The following GRIK4 variants were observed in gnomAD, a reference collection of about 807,000 sequenced individuals.
GRIK4 encodes glutamate receptor ionotropic, kainate 4.
Under a neutral mutation model 104.9 loss-of-function variants are expected in GRIK4, and 40 were observed. The observed-to-expected ratio is 0.38, with a 90% CI of 0.30 to 0.50. The LOEUF is 0.50. GRIK4 is among the 20% of genes least tolerant of loss of function. The pLI, the probability that GRIK4 is intolerant of heterozygous loss-of-function variation, is 0.93. For synonymous variants in GRIK4, 485 were observed against 524.9 expected (o/e 0.92, Z 1.04); for missense variants, 1,047 against 1,308.1 (o/e 0.80, Z 3.08).
rs1323292310 is a variant in GRIK4, at chr11:120,956,050, G to A, written c.1701-730G>A. Among the ~76,000 whole-genome samples the A allele has an allele frequency of 6.6e-6, 1 of 152,090 alleles. No individual in the cohort carries two copies. Among genetic ancestry groups the A allele is most frequent in the African/African-American group, 2.4e-5 (1 of 41,412 alleles). On this transcript the variant is annotated intron_variant, in intron 15 of 20. Transcript: ENST00000527524. This position sits in a 1 kb window ranked among gnomAD's most constrained non-coding sequence, Gnocchi z 4.6. ...GGTGGTTCTGAGGTAGGCTAAGGCT[G>A]GAGGGCCACTGCTCTAGGCTGAGGG...
rs1039163075 is a variant in GRIK4 at position 120,761,768 on chromosome 11, G to C, written c.83-40925G>C. 2.6e-5 allele frequency among the ~76,000 whole-genome samples: 4 copies of C among 152,150 alleles called. No individual in the cohort carries two copies. In the South Asian group the frequency reaches 8.3e-4, roughly 32 times the overall value. ...AAGATCAGATAGTTGTAGATGTGTG[G>C]CATGATTTCTGAGGCCTCTGTTCTG... On this transcript the variant is annotated intron_variant, in intron 3 of 20. Coordinates refer to ENST00000527524, the MANE Select transcript of GRIK4 (RefSeq NM_014619.5).
intron 3 of GRIK4, among the ~76,000 whole-genome samples, chr11:120,695,123 C>A (rs1950421771): frequency 1.3e-5 from 2 of 152,238 alleles, no homozygotes; most frequent in South Asian, 4.1e-4. Flanking sequence ...ATGCCCCCAG[C>A]CCTCTCCTCC....
At chr11:120,960,859 C>G in intron 16 of GRIK4, 50 bp from the exon 17 acceptor site, 1 of 1,520,256 alleles carries the variant, frequency 6.6e-7, no homozygotes, top group Non-Finnish European at 9.1e-7. Flanking sequence ...GGGGCCAAGA[C>G]TCCAGGGAGT....
intron 3 of GRIK4, among the ~76,000 whole-genome samples, chr11:120,697,608 C>T (rs1023997282): frequency 2.6e-5 from 4 of 152,124 alleles, no homozygotes; most frequent in Admixed American, 6.5e-5. Flanking sequence ...GAGTGAGACT[C>T]TGTCTCCAAA....
rs1942786566 is a variant in GRIK4, at chr11:120,903,337, GC to G, written c.1273-1951del. Among the ~76,000 whole-genome samples, 2 of 152,082 alleles carry G rather than the reference GC, an allele frequency of 1.3e-5. No individual in the cohort carries two copies. Among genetic ancestry groups the G allele is most frequent in the East Asian group, 3.9e-4 (2 of 5,168 alleles). ...AATCTTCCCACACACCAAGACTCAA[GC>G]CTATCTGCCCCACTTTCAGCACAAC... On this transcript the variant is annotated intron_variant, in intron 12 of 20. Coordinates refer to ENST00000527524, the MANE Select transcript of GRIK4 (RefSeq NM_014619.5). This position sits in a 1 kb window ranked among gnomAD's most constrained non-coding sequence, Gnocchi z 4.4.
intron 2 of GRIK4, among the ~76,000 whole-genome samples, chr11:120,655,946 A>C (rs962131244): frequency 6.6e-6 from 1 of 152,158 alleles, no homozygotes; most frequent in African/African-American, 2.4e-5. Context: ...ATGTGCGGTC[A>C]TAAGTCTGGG....
In GRIK4 at chr11:120,985,817, C is replaced by G. The variant is rs1368347017; in HGVS notation, c.2515-87C>G. The G allele has an allele frequency of 4.2e-6, 5 of 1,196,638 alleles. No individual in the cohort carries two copies. In the African/African-American group the frequency reaches 6.1e-5, roughly 15 times the overall value. The allele number at this position is 1,196,638 out of a possible 1,614,324, so 74.1% of individuals were successfully genotyped here. A position where few individuals can be genotyped will look rare whatever the true frequency, so the allele number is the denominator to read the frequency against. ...GATGACACGATTCTGTGACCGCTGC[C>G]CCCTTCATCCCTCATCCCAGCGGAC... On this transcript the variant is annotated intron_variant, in intron 20 of 20. Transcript: ENST00000527524.
chr11:120,754,066 G>C (rs2852244), intron 3 of GRIK4, among the ~76,000 whole-genome samples: 59,417 of 151,976 alleles, frequency 0.39, 14,000 homozygotes, highest in African/African-American at 0.67. Flanking sequence ...GAGTCTTGCT[G>C]TGTCACTCAG....
At chr11:120,866,828 T>C (rs1432682026) in intron 9 of GRIK4, among the ~76,000 whole-genome samples, 1 of 152,194 alleles carries the variant, frequency 6.6e-6, no homozygotes, top group Non-Finnish European at 1.5e-5. Context: ...GAGTGTTCTT[T>C]CTTGCTGAGG....
At position 120,903,091 on chromosome 11, in the gene GRIK4, G is replaced by A. The variant is rs766749354; in HGVS notation, c.1273-2199G>A. ...CCAGCCTAGAAGTCCTTCTCAGAACGAGCTCAGCCCATCAGGATTTCAGTG... is the reference window on the plus strand; with the variant it reads ...CCAGCCTAGAAGTCCTTCTCAGAACAAGCTCAGCCCATCAGGATTTCAGTG... On this transcript the variant is annotated intron_variant, in intron 12 of 20. Coordinates refer to ENST00000527524, the MANE Select transcript of GRIK4 (RefSeq NM_014619.5). This position sits in a 1 kb window ranked among gnomAD's most constrained non-coding sequence, Gnocchi z 4.4. 1.1e-4 allele frequency among the ~76,000 whole-genome samples: 16 copies of A among 151,996 alleles called. No homozygotes were observed. Among genetic ancestry groups the A allele is most frequent in the Non-Finnish European group, 2.4e-4 (16 of 68,006 alleles).
chr11:120,807,988 T>C lies in GRIK4; in HGVS notation c.247+5131T>C, dbSNP rs542761414. 4.6e-5 allele frequency among the ~76,000 whole-genome samples: 7 copies of C among 152,244 alleles called. No homozygotes were observed. In the South Asian group the frequency reaches 1.5e-3, roughly 32 times the overall value. On this transcript the variant is annotated intron_variant, in intron 4 of 20. Coordinates refer to ENST00000527524, the MANE Select transcript of GRIK4 (RefSeq NM_014619.5). Reference sequence around the variant, plus strand: ...ACTAGGAGGTAGGCAGAGCAGGCTATGGGGTCAGGTGAGGCCCCTGGCCAG... The same window carrying C: ...ACTAGGAGGTAGGCAGAGCAGGCTACGGGGTCAGGTGAGGCCCCTGGCCAG...
intron 3 of GRIK4, among the ~76,000 whole-genome samples, chr11:120,732,318 A>G (rs1390908627): frequency 6.6e-6 from 1 of 152,066 alleles, no homozygotes; most frequent in East Asian, 1.9e-4. Context: ...ATTTTTTAGT[A>G]GAGACGGGGT....
intron 1 of GRIK4, among the ~76,000 whole-genome samples, chr11:120,581,843 G>A (rs537091182): frequency 2.1e-4 from 31 of 149,648 alleles, no homozygotes; most frequent in Admixed American, 4.0e-4. Context: ...GTCTTGCTCT[G>A]TTGCCCAGGC....
At position 120,635,191 on chromosome 11, in the gene GRIK4, A is replaced by G. The variant is rs917227966; in HGVS notation, c.-158-18494A>G. ...CTCTTGTCAGAGATCATCTTGGGTT[A>G]GGAACCAAGCACATCCCACCCCAAC... On this transcript the variant is annotated intron_variant, in intron 1 of 20. Coordinates refer to ENST00000527524, the MANE Select transcript of GRIK4 (RefSeq NM_014619.5). 1.2e-4 allele frequency among the ~76,000 whole-genome samples: 18 copies of G among 152,308 alleles called. No homozygotes were observed. In the South Asian group the frequency reaches 2.5e-3, roughly 21 times the overall value.
chr11:120,683,570 G>A lies in GRIK4; in HGVS notation c.82+23170G>A, dbSNP rs139757643. On this transcript the variant is annotated intron_variant, in intron 3 of 20. Coordinates refer to ENST00000527524, the MANE Select transcript of GRIK4 (RefSeq NM_014619.5). The stretch of plus-strand genomic sequence containing the variant: ...TGACATATAAGTGGTATTCAGAGCC[G>A]TGGGACCAGGCCGTGTCCTAGGGAG... Among the ~76,000 whole-genome samples the A allele has an allele frequency of 2.5e-4, 38 of 152,330 alleles. No individual in the cohort carries two copies. The East Asian group carries it at 5.8e-3, about 23-fold the overall frequency.
At chr11:120,828,345 T>C (rs1953324699) in intron 6 of GRIK4, among the ~76,000 whole-genome samples, 2 of 152,276 alleles carry the variant, frequency 1.3e-5, no homozygotes, top group African/African-American at 4.8e-5. Flanking sequence ...ACCAAGACTA[T>C]CTTTGGTGGG....
At chr11:120,598,413 C>T (rs972460229) in intron 1 of GRIK4, among the ~76,000 whole-genome samples, 2 of 152,204 alleles carry the variant, frequency 1.3e-5, no homozygotes, top group Non-Finnish European at 2.9e-5. Context: ...TCTCCATCGG[C>T]TCCAGGGACA....
At chr11:120,968,530 T>C (rs1274344888) in intron 19 of GRIK4, among the ~76,000 whole-genome samples, 1 of 152,220 alleles carries the variant, frequency 6.6e-6, no homozygotes, top group African/African-American at 2.4e-5. Context: ...TGAATAACTA[T>C]GTGATTCTCA....
chr11:120,611,784 G>T (rs60787798), intron 1 of GRIK4, among the ~76,000 whole-genome samples: 42,947 of 151,980 alleles, frequency 0.28, 6,578 homozygotes, highest in Non-Finnish European at 0.31. Flanking sequence ...CCCTTCCCCC[G>T]CAGCATCAGT....
Sources: allele counts gnomAD v4.1 joint callset (sites outside exome capture counted in the v4.1 genomes callset), GRCh38; gene constraint gnomAD v4.1.1; non-coding constraint Gnocchi (gnomAD v3.1); transcripts MANE v1.5; gene names NCBI Gene and HGNC (gene_info 2026-07-23, HGNC 2026-07-21).